The following R3HDM4 variants were observed in gnomAD, a reference collection of about 807,000 sequenced individuals.
R3HDM4 encodes the protein R3H domain containing 4.
Under a neutral mutation model 31.3 loss-of-function variants are expected in R3HDM4, and 30 were observed. The ratio of observed to expected loss-of-function variants is 0.96; its 90% CI spans 0.72 to 1.30. R3HDM4 has a LOEUF of 1.30. Among genes scored for constraint, R3HDM4 ranks in the 50% most tolerant of loss-of-function variants. The pLI is 0.00. For synonymous variants in R3HDM4, 196 were observed against 156.6 expected (o/e 1.25, Z -1.88); for missense variants, 444 against 366.1 (o/e 1.21, Z -1.74).
chr19:901,770 C>G, intron 2 of R3HDM4: 1 of 595,424 alleles, frequency 1.7e-6, no homozygotes, highest in Non-Finnish European at 2.8e-6. Flanking sequence ...CCCGGGGCGC[C>G]CTCCCACCCA....
chr19:904,907 A>G (rs1419916257), intron 1 of R3HDM4, among the ~76,000 whole-genome samples: 1 of 152,026 alleles, frequency 6.6e-6, no homozygotes, highest in African/African-American at 2.4e-5. Flanking sequence ...ATCTCAATCA[A>G]AAGTAAACAA....
At chr19:911,926 G>A (rs956421013) in intron 1 of R3HDM4, among the ~76,000 whole-genome samples, 1 of 151,704 alleles carries the variant, frequency 6.6e-6, no homozygotes, top group Non-Finnish European at 1.5e-5. Context: ...AGCCCAGAGG[G>A]CGAGTGGGGC....
chr19:908,904 C>T (rs570362270), intron 1 of R3HDM4, among the ~76,000 whole-genome samples: 6 of 152,384 alleles, frequency 3.9e-5, no homozygotes, highest in East Asian at 3.9e-4. Context: ...CGCCCACCGC[C>T]GCCCCCCGGT....
chr19:912,038 G>C (rs2036977555), intron 1 of R3HDM4, among the ~76,000 whole-genome samples: 1 of 144,858 alleles, frequency 6.9e-6, no homozygotes, highest in African/African-American at 2.6e-5. Flanking sequence ...TCCATGGCTG[G>C]CACCTCGGGG....
intron 1 of R3HDM4, among the ~76,000 whole-genome samples, chr19:903,022 C>A (rs2036856541): frequency 6.6e-6 from 1 of 152,196 alleles, no homozygotes; most frequent in Non-Finnish European, 1.5e-5. Context: ...AGTCACACAG[C>A]AGGTGAATGA....
At chr19:911,757 A>G (rs2036973756) in intron 1 of R3HDM4, among the ~76,000 whole-genome samples, 1 of 152,122 alleles carries the variant, frequency 6.6e-6, no homozygotes, top group Non-Finnish European at 1.5e-5. Flanking sequence ...GGCCGGGGTG[A>G]CACACGGCTG....
rs779295600 is a variant in R3HDM4 at position 899,506 on chromosome 19, C to T, written c.648-11G>A. ...AGAAGCCTCTCGAAGCTGTGGGGAA[C>T]GGGCAGTGAGCGCCGTGCAGGGGCT... On this transcript the variant is annotated splice_polypyrimidine_tract_variant and intron_variant, in intron 6 of 7. Transcript: ENST00000361574. The surrounding 1 kb of genome is among the most constrained non-coding windows in gnomAD (Gnocchi z 6.8). The T allele has an allele frequency of 6.2e-5, 100 of 1,613,484 alleles. No homozygotes were observed. Among genetic ancestry groups the T allele is most frequent in the Non-Finnish European group, 7.2e-5 (85 of 1,179,902 alleles).
At chr19:906,178 C>T (rs2145297573) in intron 1 of R3HDM4, among the ~76,000 whole-genome samples, 1 of 151,590 alleles carries the variant, frequency 6.6e-6, no homozygotes, top group Non-Finnish European at 1.5e-5. Flanking sequence ...GCGCCCGCCA[C>T]CACGCCTGGC....
At chr19:904,093 G>A (rs548282451) in intron 1 of R3HDM4, among the ~76,000 whole-genome samples, 49 of 152,060 alleles carry the variant, frequency 3.2e-4, no homozygotes, top group Non-Finnish European at 6.6e-4. Flanking sequence ...GCTCCACTGG[G>A]CTCACAAACC....
intron 3 of R3HDM4, 95 bp from the exon 4 acceptor site, chr19:901,047 G>A (rs1056564165): frequency 7.0e-7 from 1 of 1,420,862 alleles, no homozygotes; most frequent in African/African-American, 1.4e-5. Flanking sequence ...CCAAGCACGT[G>A]GACGCGCTCC....
Position 897,140 on chromosome 19 carries a change from A to C in R3HDM4, c.*297T>G. On this transcript the variant is annotated 3_prime_UTR_variant, in exon 8 of 8. Coordinates refer to ENST00000361574, the MANE Select transcript of R3HDM4 (RefSeq NM_138774.4). ...CTCCCCCTCCTCACTTGAGCTTCAG[A>C]CCGGGCCAGAAAAGCTCAACGATGA... 2.9e-6 allele frequency: 1 copy of C among 347,948 alleles called. No individual in the cohort carries two copies. The highest frequency in any genetic ancestry group is 5.2e-6 in the Non-Finnish European group (1 of 192,706). The allele number at this position is 347,948 out of a possible 1,614,324, so 21.6% of individuals were successfully genotyped here. A position where few individuals can be genotyped will look rare whatever the true frequency, so the allele number is the denominator to read the frequency against.
rs1211985119 is a variant in R3HDM4, at chr19:899,941, TG to T, written c.561+119del. The T allele has an allele frequency of 9.2e-6, 10 of 1,091,778 alleles. No homozygotes were observed. Among genetic ancestry groups the T allele is most frequent in the Non-Finnish European group, 1.4e-5 (10 of 728,586 alleles). 67.6% of individuals were successfully genotyped at this position (1,091,778 alleles called of 1,614,324 possible). On this transcript the variant is annotated intron_variant, in intron 5 of 7. Transcript: ENST00000361574. This position sits in a 1 kb window ranked among gnomAD's most constrained non-coding sequence, Gnocchi z 6.8. ...TACTCAGGGCCCTGGTGCCGCTGTC[TG>T]TATCCTGCCCTGTTTCCCCTGACAC...
At chr19:902,230 T>C (rs2036847446) in intron 1 of R3HDM4, 100 bp from the exon 2 acceptor site, 10 of 1,358,206 alleles carry the variant, frequency 7.4e-6, no homozygotes, top group South Asian at 6.0e-5. Flanking sequence ...CCCCCAGCAA[T>C]GGAGAGCTCA....
chr19:901,661 A>G (rs1282833811), intron 2 of R3HDM4, 115 bp from the exon 3 acceptor site: 2 of 1,349,236 alleles, frequency 1.5e-6, no homozygotes, highest in Admixed American at 4.6e-5. Flanking sequence ...CCGCACCTCC[A>G]TGCTCCAACT....
intron 3 of R3HDM4, 64 bp downstream of exon 3, chr19:901,358 G>A: frequency 1.3e-6 from 2 of 1,538,938 alleles, no homozygotes; most frequent in Admixed American, 3.7e-5. Context: ...ACAGGCGATG[G>A]CCTGGCCGTA....
rs183954255 is a variant in R3HDM4, at chr19:898,687, C to T, written c.703+753G>A. 3.9e-3 allele frequency among the ~76,000 whole-genome samples: 591 copies of T among 152,224 alleles called. 3 individuals carry two copies. The highest frequency in any genetic ancestry group is 0.013 in the African/African-American group (556 of 41,526). ...TCAGCAGTCCCCTCTGCCTGGGACC[C>T]CCCCGTCCTCTACTCCCCATCTTGC... On this transcript the variant is annotated intron_variant, in intron 7 of 7. Coordinates refer to ENST00000361574, the MANE Select transcript of R3HDM4 (RefSeq NM_138774.4).
At chr19:901,123 C>A in intron 3 of R3HDM4, 171 bp from the exon 4 acceptor site, 2 of 853,444 alleles carry the variant, frequency 2.3e-6, no homozygotes, top group East Asian at 5.7e-5. Context: ...CGCAGGGAAG[C>A]GGGGAACCGG....
At chr19:909,088 GA>G (rs1281792825) in intron 1 of R3HDM4, among the ~76,000 whole-genome samples, 2 of 152,182 alleles carry the variant, frequency 1.3e-5, no homozygotes, top group African/African-American at 4.8e-5. Flanking sequence ...AGGCTTCCTG[GA>G]CCCTGAAGGC....
rs1402166179 is a variant in R3HDM4 at position 899,835 on chromosome 19, C to T, written c.562-149G>A. The T allele has an allele frequency of 3.9e-6, 3 of 760,016 alleles. No homozygotes were observed. The highest frequency in any genetic ancestry group is 3.5e-5 in the African/African-American group (2 of 56,468). The allele number at this position is 760,016 out of a possible 1,614,324, so 47.1% of individuals were successfully genotyped here. On this transcript the variant is annotated intron_variant, in intron 5 of 7. Coordinates refer to ENST00000361574, the MANE Select transcript of R3HDM4 (RefSeq NM_138774.4). The surrounding 1 kb of genome is among the most constrained non-coding windows in gnomAD (Gnocchi z 6.8). ...GCTGCTTAAGTGTCTCTGAGGCCAC[C>T]ATGCCACCTCCTGCCTGTGCCTTCC...
Sources: gnomAD v4.1 joint callset for allele counts (sites outside exome capture counted in the v4.1 genomes callset) on GRCh38, gnomAD v4.1.1 for gene constraint, Gnocchi (gnomAD v3.1) non-coding constraint, MANE v1.5 for transcripts, NCBI Gene and HGNC (gene_info 2026-07-23, HGNC 2026-07-21) for gene names.